Variants in LY6H observed in about 807,000 individuals in gnomAD.
LY6H encodes lymphocyte antigen 6 family member H, also known as lymphocyte antigen 6H.
LY6H carries 8 observed loss-of-function variants against 14.6 expected under a neutral mutation model. The ratio of observed to expected loss-of-function variants is 0.55; its 90% confidence interval spans 0.32 to 0.99. LY6H has a LOEUF of 0.99. Ranked by LOEUF, LY6H falls within the 50% of genes least tolerant of loss-of-function variation. The pLI is 0.04. For synonymous variants in LY6H, 115 were observed against 97.2 expected, an observed-to-expected ratio of 1.18 and a Z score of -1.08; for missense variants, 196 against 219.6, an observed-to-expected ratio of 0.89 and a Z score of 0.68.
At position 143,158,816 on chromosome 8, in the gene LY6H, G is replaced by A. The variant is rs200901971; in HGVS notation, c.237C>T (p.Thr79=). 2.0e-5 allele frequency: 32 copies of A among 1,592,004 alleles called. No homozygotes were observed. Among genetic ancestry groups the A allele is most frequent in the Middle Eastern group, 1.7e-4 (1 of 5,964 alleles). The change falls in exon 3 of 4, where the codon ACC becomes ACT. Residue 79 remains threonine, a synonymous_variant. Coordinates refer to ENST00000342752, the MANE Select transcript of LY6H (RefSeq NM_001135655.2). The part of the protein sequence containing the change: ...SDTVCASVRI[T]DPSSSRKDHS... ...GTCCCAACTTACTGCTGCTGGGATC[G>A]GTGATTCGGACACTGGCACACACCG...
At chr8:143,160,105 C>T in intron 1 of LY6H, 93 bp downstream of exon 1, 1 of 1,099,146 alleles carries the variant, frequency 9.1e-7, no homozygotes, top group Admixed American at 4.2e-5. Flanking sequence ...GAACCCCGGG[C>T]CGAGTCCCCT....
At position 143,159,581 on chromosome 8, in the gene LY6H, C is replaced by A. The variant is rs1379779430; in HGVS notation, c.130+1G>T. ...ACCCAGCCCGCGGGCCCCCTACTCACCGGGCGCCGAGCACAGCAGGACGGC... is the reference window on the plus strand; with the variant it reads ...ACCCAGCCCGCGGGCCCCCTACTCAACGGGCGCCGAGCACAGCAGGACGGC... On this transcript the variant is annotated splice_donor_variant, in intron 2 of 3. Transcript: ENST00000342752. LOFTEE classifies it high-confidence loss of function. 6.7e-7 allele frequency: 1 copy of A among 1,500,934 alleles called. No individual in the cohort carries two copies. The allele number at this position is 1,500,934 out of a possible 1,614,324, so 93.0% of individuals were successfully genotyped here.
intron 1 of LY6H, 76 bp from the exon 2 acceptor site, chr8:143,159,785 C>G: frequency 3.1e-6 from 4 of 1,294,526 alleles, no homozygotes; most frequent in Middle Eastern, 2.7e-4. Context: ...ACCTTCTCCC[C>G]GGAATCCAAG....
At chr8:143,159,540 C>G in intron 2 of LY6H, 42 bp downstream of exon 2, 1 of 1,460,134 alleles carries the variant, frequency 6.8e-7, no homozygotes, top group Non-Finnish European at 9.0e-7. Context: ...GCGCCTCGGG[C>G]TCTCCCAGGC....
In LY6H at chr8:143,160,182, CG is replaced by C. The variant is rs773346254; in HGVS notation, c.2+15del. ...GGGCGTGGAGCGCGGGCCTCGGGGT[CG>C]GGGGGCTCACTCACATCCCGGGGGT... On this transcript the variant is annotated intron_variant, in intron 1 of 3. Transcript: ENST00000342752. 11 of 1,283,912 alleles carry C rather than the reference CG, an allele frequency of 8.6e-6. No homozygotes were observed. The East Asian group carries it at 1.7e-4, about 20-fold the overall frequency. The allele number at this position is 1,283,912 out of a possible 1,614,324, so 79.5% of individuals were successfully genotyped here. A position where few individuals can be genotyped will look rare whatever the true frequency, so the allele number is the denominator to read the frequency against.
At position 143,158,401 on chromosome 8, in the gene LY6H, C is replaced by A; in HGVS notation, c.335G>T (p.Gly112Val). 6.2e-7 allele frequency: 1 copy of A among 1,613,966 alleles called. No homozygotes were observed. Among genetic ancestry groups the A allele is most frequent in the Non-Finnish European group, 8.5e-7 (1 of 1,179,964 alleles). The change falls in exon 4 of 4, where the codon GGG (glycine) becomes GTG (valine). Residue 112 changes from glycine to valine, a missense_variant. Physicochemically the swap from Gly to Val is moderately radical, Grantham distance 109. Coordinates refer to ENST00000342752, the MANE Select transcript of LY6H (RefSeq NM_001135655.2). ...KRHFFSDYLM[G>V]FINSGILKVD... ...CTTTAAGATCCCAGAGTTAATAAAC[C>A]CCATCAGATAGTCTGAGAAAAAGTG...
intron 1 of LY6H, 178 bp downstream of exon 1, chr8:143,160,020 G>A: frequency 8.3e-7 from 1 of 1,202,912 alleles, no homozygotes; most frequent in Non-Finnish European, 1.0e-6. Flanking sequence ...GCAGGGGCGG[G>A]AGCGGGTGGG....
At position 143,160,269 on chromosome 8, in the gene LY6H, T is replaced by G. The variant is rs908943165; in HGVS notation, c.-70A>C. ...GGGGAGCTGTGCCCTTCGGTCTCCC[T>G]GCGGACCGGAATCCGGGCGCAGCCT... On this transcript the variant is annotated 5_prime_UTR_variant, in exon 1 of 4. Transcript: ENST00000342752. The G allele has an allele frequency of 3.3e-6, 4 of 1,228,494 alleles. No individual in the cohort carries two copies. Among genetic ancestry groups the G allele is most frequent in the Non-Finnish European group, 4.1e-6 (4 of 973,076 alleles). The allele number at this position is 1,228,494 out of a possible 1,614,324, so 76.1% of individuals were successfully genotyped here.
chr8:143,160,594 T>G (rs1341026189), upstream of LY6H: 1 of 151,942 alleles, frequency 6.6e-6, no homozygotes, highest in East Asian at 2.0e-4. Flanking sequence ...GAGATCCCCT[T>G]GGAATTTCTC....
intron 1 of LY6H, 148 bp from the exon 2 acceptor site, chr8:143,159,857 G>C: frequency 8.7e-7 from 1 of 1,142,950 alleles, no homozygotes; most frequent in Non-Finnish European, 1.1e-6. Flanking sequence ...AGCGTCCGCC[G>C]TCACAGCATC....
upstream of LY6H, chr8:143,160,348 G>A (rs1815570484): frequency 1.6e-5 from 8 of 515,334 alleles, no homozygotes; most frequent in East Asian, 3.6e-4. Flanking sequence ...GGGCGGGGCG[G>A]AGCCGGGGCG....
rs1586674585 is a variant in LY6H, at chr8:143,159,978, G to C, written c.2+220C>G. On this transcript the variant is annotated intron_variant, in intron 1 of 3. Transcript: ENST00000342752. ...TGGGGGGCGTCCTCTTCTCCCCGGG[G>C]AGCTGCAGGTGCGTCCGGACAGGAA... The C allele has an allele frequency of 4.9e-6, 6 of 1,234,198 alleles. No homozygotes were observed. The East Asian group carries it at 1.9e-4, about 39-fold the overall frequency. The allele number at this position is 1,234,198 out of a possible 1,614,324, so 76.5% of individuals were successfully genotyped here.
chr8:143,159,115 G>T, intron 2 of LY6H, 193 bp from the exon 3 acceptor site: 1 of 738,556 alleles, frequency 1.4e-6, no homozygotes, highest in Non-Finnish European at 2.3e-6. Flanking sequence ...CTGGCAGTTT[G>T]AGGGGAGCCC....
intron 3 of LY6H, 63 bp downstream of exon 3, chr8:143,158,740 C>T: frequency 6.5e-7 from 1 of 1,546,596 alleles, no homozygotes. Context: ...CCGAGGACAC[C>T]TCTGACCTCT....
chr8:143,159,092 A>C, intron 2 of LY6H, 170 bp from the exon 3 acceptor site: 1 of 909,706 alleles, frequency 1.1e-6, no homozygotes, highest in Non-Finnish European at 1.7e-6. Flanking sequence ...CCCTGGGACA[A>C]CTGTGCCCCA....
At chr8:143,158,948 G>T (rs749081187) in intron 2 of LY6H, 26 bp from the exon 3 acceptor site, 1 of 1,611,174 alleles carries the variant, frequency 6.2e-7, no homozygotes, top group South Asian at 1.1e-5. Flanking sequence ...GGAGGAGGGT[G>T]ACCAGAGGCA....
intron 1 of LY6H, 39 bp downstream of exon 1, chr8:143,160,159 G>C: frequency 7.9e-7 from 1 of 1,273,234 alleles, no homozygotes; most frequent in Non-Finnish European, 9.9e-7. Flanking sequence ...CGCGGATGGG[G>C]CGTGGAGCGC....
chr8:143,159,175 AACACAC>A, intron 2 of LY6H: 1 of 595,906 alleles, frequency 1.7e-6, no homozygotes, highest in Non-Finnish European at 3.0e-6. Context: ...CACACACACA[AACACAC>A]ACACGGGCTA....
intron 2 of LY6H, 131 bp from the exon 3 acceptor site, chr8:143,159,053 C>A (rs1815526657): frequency 2.4e-6 from 3 of 1,269,364 alleles, no homozygotes; most frequent in African/African-American, 2.9e-5. Context: ...GGGAGCAGGC[C>A]CCCATGACCC....
Sources: allele counts gnomAD v4.1 joint callset, GRCh38; gene constraint gnomAD v4.1.1; transcripts MANE v1.5; gene names NCBI Gene and HGNC (gene_info 2026-07-23, HGNC 2026-07-21).